The following GRAMD4 variants were observed in gnomAD, a reference collection of about 807,000 sequenced individuals.
GRAMD4 encodes GRAM domain-containing protein 4.
GRAMD4 carries 25 observed loss-of-function variants against 83.9 expected under a neutral mutation model. The ratio of observed to expected loss-of-function variants is 0.30; its 90% CI spans 0.22 to 0.42. The LOEUF is 0.42. Among genes scored for constraint, GRAMD4 ranks in the 10% least tolerant of loss-of-function variants. The pLI is 1.00. For missense variants in GRAMD4, 593 were observed against 788.7 expected, an observed-to-expected ratio of 0.75 and a Z score of 2.97; for synonymous variants, 336 against 320.9, an observed-to-expected ratio of 1.05 and a Z score of -0.50.
chr22:46,599,661 A>G (rs367579775), intron 1 of GRAMD4, among the ~76,000 whole-genome samples: 1 of 152,176 alleles, frequency 6.6e-6, no homozygotes, highest in Admixed American at 6.5e-5. Flanking sequence ...AAAATTACCT[A>G]GTGAAAAATT....
In GRAMD4 at chr22:46,661,338, G is replaced by A. The variant is rs758574521; in HGVS notation, c.405-43G>A. On this transcript the variant is annotated intron_variant, in intron 4 of 18. Coordinates refer to ENST00000406902, the MANE Select transcript of GRAMD4 (RefSeq NM_015124.5). ...GGGTGCCTGACTGGGCATGGAGTTT[G>A]GAACTAACAGACCTCTTGTCTCTTC... is the stretch of plus-strand genomic sequence containing the variant. 39 of 1,528,762 alleles carry A rather than the reference G, an allele frequency of 2.6e-5. 1 individual carries two copies. The South Asian group carries it at 4.4e-4, about 17-fold the overall frequency. 94.7% of individuals were successfully genotyped at this position (1,528,762 alleles called of 1,614,324 possible).
chr22:46,609,334 G>A (rs1025516116), intron 1 of GRAMD4, among the ~76,000 whole-genome samples: 4 of 152,206 alleles, frequency 2.6e-5, no homozygotes, highest in Non-Finnish European at 5.9e-5. Flanking sequence ...AGCCTGCTGT[G>A]CGGGGTAGCC....
At chr22:46,636,056 G>A (rs1422778088) in intron 2 of GRAMD4, among the ~76,000 whole-genome samples, 1 of 151,880 alleles carries the variant, frequency 6.6e-6, no homozygotes, top group African/African-American at 2.4e-5. Context: ...AGCCCCCGGG[G>A]TCTGTCCTGG....
intron 3 of GRAMD4, among the ~76,000 whole-genome samples, chr22:46,656,196 C>T (rs540523758): frequency 2.0e-5 from 3 of 152,354 alleles, no homozygotes; most frequent in Admixed American, 6.5e-5. Flanking sequence ...GGGCAGAGCT[C>T]CAGCACCCAC....
chr22:46,646,121 A>C lies in GRAMD4; in HGVS notation c.283+8161A>C, dbSNP rs921984998. Among the ~76,000 whole-genome samples the C allele has an allele frequency of 3.3e-5, 5 of 152,192 alleles. No homozygotes were observed. The East Asian group carries it at 9.6e-4, about 29-fold the overall frequency. ...TTCCTGTGTTGCTGGAGAGGGCTGC[A>C]GATGCCTCCCTGGCTGAGCTGGAGG... On this transcript the variant is annotated intron_variant, in intron 3 of 18. Coordinates refer to ENST00000406902, the MANE Select transcript of GRAMD4 (RefSeq NM_015124.5).
Position 46,679,097 on chromosome 22 carries a change from C to A in GRAMD4, c.*1846C>A, listed in dbSNP as rs1474071173. 10 of 985,438 alleles carry A rather than the reference C, an allele frequency of 1.0e-5. No homozygotes were observed. The highest frequency in any genetic ancestry group is 2.4e-6 in the Non-Finnish European group (2 of 829,976). 61.0% of individuals were successfully genotyped at this position (985,438 alleles called of 1,614,324 possible). A position where few individuals can be genotyped will look rare whatever the true frequency, so the allele number is the denominator to read the frequency against. Reference sequence around the variant, plus strand: ...ACACAGGGTGGGCACTGACCCACCCCCAGGGGCGGCTGCAGAGGCAGTGCC... The same window carrying A: ...ACACAGGGTGGGCACTGACCCACCCACAGGGGCGGCTGCAGAGGCAGTGCC... On this transcript the variant is annotated 3_prime_UTR_variant, in exon 19 of 19. Coordinates refer to ENST00000406902, the MANE Select transcript of GRAMD4 (RefSeq NM_015124.5).
intron 1 of GRAMD4, among the ~76,000 whole-genome samples, chr22:46,578,497 G>C (rs1180652000): frequency 6.6e-6 from 1 of 152,212 alleles, no homozygotes; most frequent in African/African-American, 2.4e-5. Context: ...GGCCTCCTCA[G>C]GCTGGGCTCG....
chr22:46,674,620 C>T lies in GRAMD4; in HGVS notation c.1385-37C>T, dbSNP rs774409286. 3.6e-6 allele frequency: 5 copies of T among 1,387,366 alleles called. No homozygotes were observed. In the Admixed American group the frequency reaches 6.7e-5, roughly 19 times the overall value. The allele number at this position is 1,387,366 out of a possible 1,614,324, so 85.9% of individuals were successfully genotyped here. A position where few individuals can be genotyped will look rare whatever the true frequency, so the allele number is the denominator to read the frequency against. On this transcript the variant is annotated intron_variant, in intron 15 of 18. Transcript: ENST00000406902. Reference sequence around the variant, plus strand: ...CGTCAGGTCAGAGGCTGGGTACTTCCAGTGGAAAGTGTGACAGGCGGGCCT... The same window carrying T: ...CGTCAGGTCAGAGGCTGGGTACTTCTAGTGGAAAGTGTGACAGGCGGGCCT...
At chr22:46,631,357 A>T (rs902078128) in intron 2 of GRAMD4, among the ~76,000 whole-genome samples, 2 of 152,250 alleles carry the variant, frequency 1.3e-5, no homozygotes, top group African/African-American at 4.8e-5. Flanking sequence ...ACACCCCGGC[A>T]GCCTGCATTC....
At chr22:46,657,815 C>T (rs1300591772) in intron 3 of GRAMD4, among the ~76,000 whole-genome samples, 1 of 152,352 alleles carries the variant, frequency 6.6e-6, no homozygotes, top group South Asian at 2.1e-4. Context: ...GTGGGCTGGC[C>T]AGGTGTGGTC....
chr22:46,643,473 T>C (rs146935962), intron 3 of GRAMD4, among the ~76,000 whole-genome samples: 6 of 152,366 alleles, frequency 3.9e-5, no homozygotes, highest in African/African-American at 1.4e-4. Context: ...TATTCTCTTA[T>C]CTAACTTCAG....
rs2081925351 is a variant in GRAMD4 at position 46,638,516 on chromosome 22, G to A, written c.283+556G>A. ...AGAATGGCAGAGATTCTTACAGGAG[G>A]GGCTCGCAGGCTTGGCCCCACTTGG... is the stretch of plus-strand genomic sequence containing the variant. On this transcript the variant is annotated intron_variant, in intron 3 of 18. Coordinates refer to ENST00000406902, the MANE Select transcript of GRAMD4 (RefSeq NM_015124.5). Among the ~76,000 whole-genome samples, 3 of 152,204 alleles carry A rather than the reference G, an allele frequency of 2.0e-5. No homozygotes were observed. In the South Asian group the frequency reaches 6.2e-4, roughly 32 times the overall value.
Position 46,663,021 on chromosome 22 carries a change from G to T in GRAMD4, c.467-19G>T. The T allele has an allele frequency of 6.3e-7, 1 of 1,589,514 alleles. No homozygotes were observed. The highest frequency in any genetic ancestry group is 8.6e-7 in the Non-Finnish European group (1 of 1,165,144). On this transcript the variant is annotated intron_variant, in intron 5 of 18. Coordinates refer to ENST00000406902, the MANE Select transcript of GRAMD4 (RefSeq NM_015124.5). ...AGTGCAGCCCTGCCGTGCCCTCACC[G>T]GGTCCCTGCCCCCTGCAGAGCGCCG...
chr22:46,663,952 C>A, intron 7 of GRAMD4, 74 bp from the exon 8 acceptor site: 1 of 1,574,728 alleles, frequency 6.4e-7, no homozygotes, highest in Non-Finnish European at 8.7e-7. Context: ...TGAGCTGAAC[C>A]GACTCTCCAG....
intron 1 of GRAMD4, among the ~76,000 whole-genome samples, chr22:46,580,012 C>T (rs566684952): frequency 3.3e-5 from 5 of 152,276 alleles, no homozygotes; most frequent in African/African-American, 9.6e-5. Flanking sequence ...TGAGTTCCTG[C>T]CTCCTCCCCT....
chr22:46,616,380 A>G (rs1394261851), upstream of GRAMD4, among the ~76,000 whole-genome samples: 1 of 41,012 alleles, frequency 2.4e-5, no homozygotes, highest in Non-Finnish European at 4.7e-5. Context: ...CCCTGTGTGT[A>G]GGTTCCCCTG....
intron 1 of GRAMD4, among the ~76,000 whole-genome samples, chr22:46,603,198 CTT>C (rs1296665208): frequency 1.8e-5 from 2 of 113,314 alleles, no homozygotes; most frequent in East Asian, 2.7e-4. Flanking sequence ...CGTATCTTCT[CTT>C]GTTTTTTTTT....
At chr22:46,577,937 G>C (rs996512652) in intron 1 of GRAMD4, among the ~76,000 whole-genome samples, 1 of 152,172 alleles carries the variant, frequency 6.6e-6, no homozygotes, top group South Asian at 2.1e-4. Flanking sequence ...CACATGTCTA[G>C]AGCAGGACCT....
At position 46,577,502 on chromosome 22, in the gene GRAMD4, C is replaced by T. The variant is rs183623494; in HGVS notation, c.-50+212C>T. 8.1e-4 allele frequency among the ~76,000 whole-genome samples: 122 copies of T among 151,024 alleles called. 1 individual carries two copies. The East Asian group carries it at 0.021, about 26-fold the overall frequency. On this transcript the variant is annotated intron_variant, in intron 1 of 1. Coordinates refer to the GRAMD4 transcript ENST00000431155. ...CCGGGTCCCGCGCGTCACGGCTGCT[C>T]CCCGCGGGCACCTGCGGCCGCAGGT... is the stretch of plus-strand genomic sequence containing the variant.
Sources: gnomAD v4.1 joint callset for allele counts (sites outside exome capture counted in the v4.1 genomes callset) on GRCh38, gnomAD v4.1.1 for gene constraint, MANE v1.5 for transcripts, NCBI Gene and HGNC (gene_info 2026-07-23, HGNC 2026-07-21) for gene names.